NEDD9: variants seen among roughly 807,000 people sequenced by gnomAD.
NEDD9 encodes the protein enhancer of filamentation 1.
A neutral mutation model predicts 76.6 loss-of-function variants in NEDD9; 26 were observed. The ratio of observed to expected loss-of-function variants is 0.34; its 90% confidence interval spans 0.25 to 0.47. NEDD9 has a LOEUF of 0.47. Ranked by LOEUF, NEDD9 falls within the 20% of genes least tolerant of loss-of-function variation. NEDD9 has a pLI of 1.00. For synonymous variants in NEDD9, 392 were observed against 414.2 expected (o/e 0.95, Z 0.65); for missense variants, 937 against 1,058.5 (o/e 0.89, Z 1.59).
chr6:11,199,849 A>AT, intron 2 of NEDD9: 1 of 151,504 alleles, frequency 6.6e-6, no homozygotes, highest in East Asian at 1.9e-4. Flanking sequence ...AATTTTTTGT[A>AT]TTTTTAGTAG....
At chr6:11,319,898 T>C (rs561179316) in intron 2 of NEDD9, among the ~76,000 whole-genome samples, 2,610 of 151,746 alleles carry the variant, frequency 0.017, 84 homozygotes, top group African/African-American at 0.058. Context: ...ACACAAAGTC[T>C]GTCTCCAACT....
chr6:11,321,244 G>A (rs1582027927), intron 2 of NEDD9, among the ~76,000 whole-genome samples: 1 of 147,828 alleles, frequency 6.8e-6, no homozygotes, highest in South Asian at 2.3e-4. Context: ...AGGGAGGGAG[G>A]GAATTGGCTC....
intron 1 of NEDD9, among the ~76,000 whole-genome samples, chr6:11,222,218 T>C (rs1428290571): frequency 1.3e-5 from 2 of 152,182 alleles, no homozygotes. Flanking sequence ...TGCATACACA[T>C]CCTGGCAACT....
At chr6:11,253,103 T>A (rs977291475) in intron 3 of NEDD9, among the ~76,000 whole-genome samples, 1 of 152,192 alleles carries the variant, frequency 6.6e-6, no homozygotes, top group African/African-American at 2.4e-5. Flanking sequence ...CATAGTTTTT[T>A]AAGAACATCT....
intron 2 of NEDD9, among the ~76,000 whole-genome samples, chr6:11,324,457 C>G (rs536836887): frequency 6.6e-6 from 1 of 152,226 alleles, no homozygotes; most frequent in East Asian, 1.9e-4. Flanking sequence ...ACCCCACGTG[C>G]AGGGCCAGCT....
chr6:11,356,926 G>A (rs2113545214), intron 1 of NEDD9, among the ~76,000 whole-genome samples: 1 of 152,288 alleles, frequency 6.6e-6, no homozygotes, highest in East Asian at 1.9e-4. Flanking sequence ...GACCTCAGCT[G>A]AGGACATGGG....
intron 2 of NEDD9, among the ~76,000 whole-genome samples, chr6:11,203,249 C>T (rs1758510178): frequency 6.6e-6 from 1 of 152,062 alleles, no homozygotes; most frequent in Admixed American, 6.5e-5. Context: ...TTTTTTCTGT[C>T]TCATGGACTG....
At chr6:11,276,385 GTGTGTGCGTGCA>G (rs1413045309) in intron 3 of NEDD9, among the ~76,000 whole-genome samples, 1 of 152,208 alleles carries the variant, frequency 6.6e-6, no homozygotes, top group African/African-American at 2.4e-5. Context: ...GTGCACGTGT[GTGTGTGCGTGCA>G]TGTGTGTGTG....
At chr6:11,371,323 T>C (rs939836276) in intron 1 of NEDD9, among the ~76,000 whole-genome samples, 1 of 152,188 alleles carries the variant, frequency 6.6e-6, no homozygotes, top group Admixed American at 6.5e-5. Flanking sequence ...CACCTGGTGG[T>C]GTACATTCTA....
intron 1 of NEDD9, among the ~76,000 whole-genome samples, chr6:11,373,780 T>G (rs1421158824): frequency 6.6e-6 from 1 of 152,242 alleles, no homozygotes; most frequent in Admixed American, 6.5e-5. Flanking sequence ...TGCAAAGCTA[T>G]CTTCTTTAAA....
chr6:11,378,874 C>A (rs1360756598), intron 1 of NEDD9, among the ~76,000 whole-genome samples: 2 of 152,222 alleles, frequency 1.3e-5, no homozygotes, highest in Non-Finnish European at 2.9e-5. Context: ...CCCCTCAGCT[C>A]ACATTGCTGA....
At chr6:11,205,331 C>G (rs2113744067) in intron 2 of NEDD9, among the ~76,000 whole-genome samples, 1 of 152,308 alleles carries the variant, frequency 6.6e-6, no homozygotes, top group East Asian at 1.9e-4. Context: ...TGGGGTCACC[C>G]CCACTTTAGT....
intron 3 of NEDD9, among the ~76,000 whole-genome samples, chr6:11,283,169 T>A (rs1760574078): frequency 6.6e-6 from 1 of 152,166 alleles, no homozygotes; most frequent in Admixed American, 6.5e-5. Flanking sequence ...AGAAAGAACA[T>A]CCTTAAATAC....
chr6:11,364,087 A>G (rs1377038660), intron 1 of NEDD9, among the ~76,000 whole-genome samples: 1 of 152,168 alleles, frequency 6.6e-6, no homozygotes, highest in African/African-American at 2.4e-5. Flanking sequence ...TGCAAACAAC[A>G]TGGTTTATGC....
At chr6:11,282,175 C>T (rs1036180326) in intron 3 of NEDD9, among the ~76,000 whole-genome samples, 8 of 152,370 alleles carry the variant, frequency 5.3e-5, no homozygotes, top group Non-Finnish European at 1.2e-4. Context: ...AGGTGTTCAT[C>T]TCCTTTAATT....
At chr6:11,209,508 C>T (rs925715544) in intron 2 of NEDD9, among the ~76,000 whole-genome samples, 2 of 152,148 alleles carry the variant, frequency 1.3e-5, no homozygotes, top group African/African-American at 4.8e-5. Flanking sequence ...GTAAGAAACA[C>T]AACAGGGCTG....
intron 1 of NEDD9, among the ~76,000 whole-genome samples, chr6:11,335,903 C>T (rs1025859089): frequency 2.6e-5 from 4 of 152,198 alleles, no homozygotes; most frequent in East Asian, 1.9e-4. Context: ...TCCAGGGTTT[C>T]CTGGAGGATA....
intron 2 of NEDD9, chr6:11,328,485 C>G (rs552236111): frequency 6.6e-6 from 1 of 152,366 alleles, no homozygotes; most frequent in East Asian, 1.9e-4. Context: ...GAGCACAGGT[C>G]ATCCCAGAAG....
chr6:11,242,589 CA>C (rs58475929), intron 3 of NEDD9, among the ~76,000 whole-genome samples: 51 of 143,646 alleles, frequency 3.6e-4, no homozygotes, highest in East Asian at 5.9e-4. Flanking sequence ...GGTCACCAGG[CA>C]AAAAAAAAAA....
Sources: allele counts gnomAD v4.1 joint callset (sites outside exome capture counted in the v4.1 genomes callset), GRCh38; gene constraint gnomAD v4.1.1; transcripts MANE v1.5; gene names NCBI Gene and HGNC (gene_info 2026-07-23, HGNC 2026-07-21).